The following DIP2C variants were observed in gnomAD, a reference collection of about 807,000 sequenced individuals.
DIP2C encodes the protein disco-interacting protein 2 homolog C.
DIP2C carries 33 observed loss-of-function variants against 192.4 expected under a neutral mutation model. That is an observed-to-expected ratio of 0.17 (90% CI 0.13 to 0.23). The LOEUF is 0.23. Ranked by LOEUF, DIP2C falls within the 10% of genes least tolerant of loss-of-function variation. The pLI, the probability that DIP2C is intolerant of heterozygous loss-of-function variation, is 1.00. For missense variants in DIP2C, 1,537 were observed against 2,110.1 expected (o/e 0.73, Z 5.32); for synonymous variants, 979 against 864.1 (o/e 1.13, Z -2.33).
chr10:565,987 G>C (rs1244606154), intron 1 of DIP2C, among the ~76,000 whole-genome samples: 1 of 152,166 alleles, frequency 6.6e-6, no homozygotes, highest in Non-Finnish European at 1.5e-5. Context: ...TTGGACTCCT[G>C]CAAAGGCCGG....
chr10:601,798 C>T (rs1319928137), intron 1 of DIP2C, among the ~76,000 whole-genome samples: 2 of 152,164 alleles, frequency 1.3e-5, no homozygotes, highest in Non-Finnish European at 2.9e-5. Context: ...CGGCTGGGGA[C>T]GCAGGCGATG....
chr10:314,887 A>C (rs1386452872), intron 31 of DIP2C, among the ~76,000 whole-genome samples: 3 of 152,208 alleles, frequency 2.0e-5, no homozygotes, highest in Admixed American at 1.3e-4. Context: ...TCAACACAGA[A>C]GTTTTGGAGG....
rs138307758 is a variant in DIP2C, at chr10:663,121, T to C, written c.85+26373A>G. 2.2e-3 allele frequency: 1,173 copies of C among 530,670 alleles called. 13 individuals carry two copies. Among genetic ancestry groups the C allele is most frequent in the African/African-American group, 0.02 (1,053 of 52,660 alleles). 32.9% of individuals were successfully genotyped at this position (530,670 alleles called of 1,614,324 possible). ...CCTGGTCTGCAGAGGGGGAGATCCC[T>C]GGGGCAGCCCTACCTCAGCATGGGT... On this transcript the variant is annotated intron_variant, in intron 1 of 36. Transcript: ENST00000280886.
intron 17 of DIP2C, among the ~76,000 whole-genome samples, chr10:375,278 CTCTT>C (rs1188416100): frequency 1.3e-5 from 2 of 152,138 alleles, no homozygotes; most frequent in African/African-American, 2.4e-5. Context: ...CTCTCTCTCT[CTCTT>C]GCTCGCTCAA....
At chr10:640,399 A>G (rs1171722778) in intron 1 of DIP2C, among the ~76,000 whole-genome samples, 1 of 152,116 alleles carries the variant, frequency 6.6e-6, no homozygotes, top group Admixed American at 6.5e-5. Flanking sequence ...CTGCACTTCA[A>G]CCCGAAGGGT....
intron 1 of DIP2C, among the ~76,000 whole-genome samples, chr10:603,324 A>G (rs986179500): frequency 7.2e-6 from 1 of 139,410 alleles, no homozygotes; most frequent in Non-Finnish European, 1.5e-5. Context: ...AAAAAAAAAA[A>G]AAAAAAAAAC....
intron 3 of DIP2C, among the ~76,000 whole-genome samples, chr10:468,315 C>T (rs1485400219): frequency 6.6e-6 from 1 of 152,146 alleles, no homozygotes; most frequent in Admixed American, 6.5e-5. Flanking sequence ...TGACCCCATG[C>T]CCCTCCTGCT....
intron 10 of DIP2C, among the ~76,000 whole-genome samples, chr10:395,574 A>G (rs998595795): frequency 1.3e-5 from 2 of 152,230 alleles, no homozygotes; most frequent in African/African-American, 4.8e-5. Flanking sequence ...TGGTTGGCAC[A>G]GTAAAGGTTT....
chr10:355,108 C>A (rs1959014851), intron 24 of DIP2C, among the ~76,000 whole-genome samples: 1 of 152,186 alleles, frequency 6.6e-6, no homozygotes, highest in Non-Finnish European at 1.5e-5. Flanking sequence ...CCGGCCCCCA[C>A]ACCTGAGCTC....
rs1564551161 is a variant in DIP2C, at chr10:321,535, G to GT, written c.3924+5470_3924+5471insA. On this transcript the variant is annotated intron_variant, in intron 31 of 36. Transcript: ENST00000280886. ...GCACAGTCAGGGAAGGCCTGCGGGG[G>GT]CTCCAGCGAGAGACCGGCGCTGTTA... is the stretch of plus-strand genomic sequence containing the variant. Among the ~76,000 whole-genome samples, 2 of 109,514 alleles carry GT rather than the reference G, an allele frequency of 1.8e-5. 1 individual carries two copies. The highest frequency in any genetic ancestry group is 6.3e-5 in the African/African-American group (2 of 31,816). 71.8% of individuals were successfully genotyped at this position (109,514 alleles called of 152,430 possible).
At chr10:579,877 A>G (rs66491536) in intron 1 of DIP2C, among the ~76,000 whole-genome samples, 5,793 of 151,728 alleles carry the variant, frequency 0.038, 155 homozygotes, top group East Asian at 0.14. Flanking sequence ...ACACTATAAC[A>G]CATGTACATG....
In DIP2C at chr10:498,179, T is replaced by A. The variant is rs374652757; in HGVS notation, c.86-11649A>T. 2.0e-5 allele frequency among the ~76,000 whole-genome samples: 3 copies of A among 152,326 alleles called. No homozygotes were observed. The South Asian group carries it at 6.2e-4, about 32-fold the overall frequency. On this transcript the variant is annotated intron_variant, in intron 1 of 36. Coordinates refer to ENST00000280886, the MANE Select transcript of DIP2C (RefSeq NM_014974.3). ...CTGAATCCAGCCTCTGTCATGCGTT[T>A]CATAAACACAGTACTTGAGTTTTCC...
intron 1 of DIP2C, among the ~76,000 whole-genome samples, chr10:628,443 A>C (rs369925766): frequency 1.3e-5 from 2 of 152,374 alleles, no homozygotes; most frequent in East Asian, 3.9e-4. Context: ...CTTTGGTGAC[A>C]ATCAACCCAA....
chr10:676,560 A>G (rs976994989), intron 1 of DIP2C, among the ~76,000 whole-genome samples: 1 of 152,166 alleles, frequency 6.6e-6, no homozygotes, highest in Admixed American at 6.5e-5. Flanking sequence ...AATTCAGTAA[A>G]CTTACAGAAT....
At chr10:535,154 A>G (rs1847630708) in intron 1 of DIP2C, among the ~76,000 whole-genome samples, 1 of 152,044 alleles carries the variant, frequency 6.6e-6, no homozygotes, top group Non-Finnish European at 1.5e-5. Context: ...TCACATCTCA[A>G]GTACAGCCAG....
intron 1 of DIP2C, among the ~76,000 whole-genome samples, chr10:498,426 C>G (rs552711979): frequency 2.0e-5 from 3 of 152,276 alleles, no homozygotes; most frequent in African/African-American, 7.2e-5. Flanking sequence ...ATCAGCAGTC[C>G]GGGCCACAGA....
chr10:361,454 G>A (rs986344997), intron 22 of DIP2C, among the ~76,000 whole-genome samples: 1 of 152,150 alleles, frequency 6.6e-6, no homozygotes, highest in South Asian at 2.1e-4. Context: ...CAGGTGAGCC[G>A]AGCCCTGTAG....
chr10:614,136 GCA>G (rs1489755182), intron 1 of DIP2C, among the ~76,000 whole-genome samples: 1 of 152,200 alleles, frequency 6.6e-6, no homozygotes, highest in Non-Finnish European at 1.5e-5. Context: ...TCTTTGCCAT[GCA>G]CACATGGAGG....
chr10:641,936 T>C (rs931705751), intron 1 of DIP2C, among the ~76,000 whole-genome samples: 3 of 151,520 alleles, frequency 2.0e-5, no homozygotes, highest in African/African-American at 7.3e-5. Context: ...GGTGGGAGGA[T>C]CACCTGAGCC....
Sources: gnomAD v4.1 joint callset for allele counts (sites outside exome capture counted in the v4.1 genomes callset) on GRCh38, gnomAD v4.1.1 for gene constraint, MANE v1.5 for transcripts, NCBI Gene and HGNC (gene_info 2026-07-23, HGNC 2026-07-21) for gene names.